Variants in MYO1D observed in about 807,000 individuals in gnomAD.
MYO1D encodes the protein unconventional myosin-Id.
Under a neutral mutation model 122.0 loss-of-function variants are expected in MYO1D, and 83 were observed. The ratio of observed to expected loss-of-function variants is 0.68; its 90% CI spans 0.57 to 0.82. MYO1D has a LOEUF of 0.82. Ranked by LOEUF, MYO1D falls within the 40% of genes least tolerant of loss-of-function variation. The probability of loss-of-function intolerance (pLI) is 0.00; values close to 1 mark genes in which losing one functional copy is unlikely to be tolerated. For synonymous variants in MYO1D, 464 were observed against 446.9 expected, an observed-to-expected ratio of 1.04 and a Z score of -0.48; for missense variants, 1,157 against 1,269.5, an observed-to-expected ratio of 0.91 and a Z score of 1.35.
intron 21 of MYO1D, among the ~76,000 whole-genome samples, chr17:32,526,436 A>G (rs2150870607): frequency 6.6e-6 from 1 of 152,332 alleles, no homozygotes; most frequent in South Asian, 2.1e-4. Flanking sequence ...TGAGTTTGAA[A>G]AAATCTTCAA....
intron 14 of MYO1D, among the ~76,000 whole-genome samples, chr17:32,736,562 G>A (rs2089703723): frequency 6.6e-6 from 1 of 152,206 alleles, no homozygotes; most frequent in Non-Finnish European, 1.5e-5. Context: ...ATAGGAGAGA[G>A]TAATAAATGT....
At chr17:32,666,053 T>A (rs1031184056) in intron 16 of MYO1D, among the ~76,000 whole-genome samples, 28 of 152,166 alleles carry the variant, frequency 1.8e-4, no homozygotes, top group African/African-American at 6.8e-4. Context: ...CCTGTTCAAT[T>A]TACTCAGACA....
In MYO1D at chr17:32,638,835, C is replaced by T; in HGVS notation, c.2596G>A (p.Val866Ile). Reference protein sequence around the residue: ...NVLFSCHVRKVNRFSKVEDRA... With the variant: ...NVLFSCHVRKINRFSKVEDRA... ...TCTTCCACCTTACTAAATCGATTTACCTGTAAGAGAACAAACCAATAAACC... is the reference window on the plus strand; with the variant it reads ...TCTTCCACCTTACTAAATCGATTTATCTGTAAGAGAACAAACCAATAAACC... The change falls in exon 20 of 22, where the codon GTA (valine) becomes ATA (isoleucine). Residue 866 changes from valine to isoleucine, a missense_variant and splice_region_variant. Transcript: ENST00000318217. The T allele has an allele frequency of 6.2e-7, 1 of 1,601,630 alleles. No homozygotes were observed. The highest frequency in any genetic ancestry group is 2.2e-5 in the East Asian group (1 of 44,750).
chr17:32,779,134 T>A (rs1436126047), intron 2 of MYO1D, among the ~76,000 whole-genome samples: 2 of 152,096 alleles, frequency 1.3e-5, no homozygotes, highest in East Asian at 3.8e-4. Context: ...AGGAACCAAT[T>A]TTGAAGTATC....
intron 20 of MYO1D, among the ~76,000 whole-genome samples, chr17:32,624,686 C>T (rs553457690): frequency 1.3e-5 from 2 of 152,106 alleles, no homozygotes; most frequent in South Asian, 4.2e-4. Flanking sequence ...ACAAACTGTA[C>T]AAATAAAAGT....
At chr17:32,666,942 G>A (rs2088644818) in intron 16 of MYO1D, among the ~76,000 whole-genome samples, 1 of 152,190 alleles carries the variant, frequency 6.6e-6, no homozygotes, top group South Asian at 2.1e-4. Context: ...TTCCCCCTAT[G>A]GGGATCTTCG....
chr17:32,764,155 G>A (rs984549190), intron 8 of MYO1D, among the ~76,000 whole-genome samples: 2 of 152,150 alleles, frequency 1.3e-5, no homozygotes, highest in African/African-American at 4.8e-5. Context: ...TATGCTAAGT[G>A]AAATAAGCCA....
intron 12 of MYO1D, among the ~76,000 whole-genome samples, chr17:32,746,171 C>T (rs947148622): frequency 1.3e-5 from 2 of 152,176 alleles, no homozygotes; most frequent in African/African-American, 4.8e-5. Context: ...GGCTGTGCTG[C>T]CCATGGGTAC....
Position 32,575,640 on chromosome 17 carries a change from T to TC in MYO1D, c.2864+29446dup, listed in dbSNP as rs2087272121. Among the ~76,000 whole-genome samples the TC allele has an allele frequency of 2.0e-5, 3 of 152,184 alleles. No individual in the cohort carries two copies. In the South Asian group the frequency reaches 6.3e-4, roughly 32 times the overall value. On this transcript the variant is annotated intron_variant, in intron 21 of 21. Coordinates refer to ENST00000318217, the MANE Select transcript of MYO1D (RefSeq NM_015194.3). The stretch of plus-strand genomic sequence containing the variant: ...GAATCCCATGGACTTCACCCCCCAT[T>TC]CCCTCTGGGGTGTGTTTCTCCTAAC...
At chr17:32,670,637 A>G (rs1281155273) in intron 16 of MYO1D, among the ~76,000 whole-genome samples, 1 of 152,114 alleles carries the variant, frequency 6.6e-6, no homozygotes, top group Non-Finnish European at 1.5e-5. Context: ...CCTTTGATTG[A>G]TCCCCACCTT....
chr17:32,671,656 G>T (rs906916671), intron 16 of MYO1D, among the ~76,000 whole-genome samples: 3 of 152,036 alleles, frequency 2.0e-5, no homozygotes, highest in African/African-American at 7.2e-5. Context: ...TTGTACTTGT[G>T]CTTTCTGAAT....
intron 21 of MYO1D, among the ~76,000 whole-genome samples, chr17:32,599,905 G>A (rs1159964422): frequency 2.6e-5 from 4 of 152,166 alleles, no homozygotes; most frequent in East Asian, 1.9e-4. Context: ...AGCCCACCTC[G>A]GCCTCCAAAA....
At position 32,738,276 on chromosome 17, in the gene MYO1D, G is replaced by C; in HGVS notation, c.1723C>G (p.Leu575Val). 1 of 1,608,178 alleles carries C rather than the reference G, an allele frequency of 6.2e-7. No homozygotes were observed. The highest frequency in any genetic ancestry group is 8.5e-7 in the Non-Finnish European group (1 of 1,177,238). ...ACCTTTGATGCAAGGTTGTCTACTA[G>C]AGCAATCATAGAATTCTTAAACAAG... ...ATLFKNSMIA[L>V]VDNLASKEPY... Residue 575 changes from leucine (L) to valine (V), a missense_variant, in exon 14 of 22, where the codon CTA becomes GTA. Physicochemically the swap from Leu to Val is conservative, Grantham distance 32 (BLOSUM62 1). Coordinates refer to ENST00000318217, the MANE Select transcript of MYO1D (RefSeq NM_015194.3).
intron 21 of MYO1D, among the ~76,000 whole-genome samples, chr17:32,556,179 T>C (rs929093294): frequency 2.0e-5 from 3 of 152,182 alleles, no homozygotes; most frequent in Non-Finnish European, 4.4e-5. Context: ...ACCAACTGCT[T>C]TGTAAAGCCT....
intron 21 of MYO1D, among the ~76,000 whole-genome samples, chr17:32,571,756 A>T (rs1383336281): frequency 6.6e-6 from 1 of 152,196 alleles, no homozygotes; most frequent in African/African-American, 2.4e-5. Flanking sequence ...TCCTTTTCAC[A>T]TCCAGAAAAT....
intron 16 of MYO1D, among the ~76,000 whole-genome samples, chr17:32,698,659 T>C (rs2089206122): frequency 6.6e-6 from 1 of 152,120 alleles, no homozygotes; most frequent in Non-Finnish European, 1.5e-5. Context: ...TACAAAATTA[T>C]CGTACTCACT....
intron 16 of MYO1D, among the ~76,000 whole-genome samples, chr17:32,680,708 T>C (rs572780250): frequency 1.3e-5 from 2 of 152,138 alleles, no homozygotes; most frequent in East Asian, 3.9e-4. Flanking sequence ...TCAAGGATAT[T>C]GGTCTAAAAT....
intron 21 of MYO1D, among the ~76,000 whole-genome samples, chr17:32,595,412 T>C (rs2087481769): frequency 6.6e-6 from 1 of 152,174 alleles, no homozygotes; most frequent in African/African-American, 2.4e-5. Context: ...ATACCTTGTA[T>C]ACAGGTATCA....
intron 1 of MYO1D, among the ~76,000 whole-genome samples, chr17:32,819,213 T>C (rs1168699192): frequency 5.9e-5 from 9 of 152,116 alleles, no homozygotes; most frequent in Non-Finnish European, 1.2e-4. Context: ...CAAGTTTTTT[T>C]TTTTTTTTCG....
Sources: allele counts gnomAD v4.1 joint callset (sites outside exome capture counted in the v4.1 genomes callset), GRCh38; gene constraint gnomAD v4.1.1; transcripts MANE v1.5; gene names NCBI Gene and HGNC (gene_info 2026-07-23, HGNC 2026-07-21).